PTPRD: variants seen among roughly 807,000 people sequenced by gnomAD.
The protein encoded by PTPRD is receptor-type tyrosine-protein phosphatase delta.
PTPRD carries 34 observed loss-of-function variants against 214.5 expected under a neutral mutation model. That is an observed-to-expected ratio of 0.16 (90% CI 0.12 to 0.21). PTPRD has a LOEUF of 0.21. Among genes scored for constraint, PTPRD ranks in the 10% least tolerant of loss-of-function variants. The pLI, the probability that PTPRD is intolerant of heterozygous loss-of-function variation, is 1.00. For synonymous variants in PTPRD, 1,128 were observed against 845.7 expected, an observed-to-expected ratio of 1.33 and a Z score of -5.79; for missense variants, 2,545 against 2,398.7, an observed-to-expected ratio of 1.06 and a Z score of -1.27.
At chr9:9,752,002 T>A (rs1176063281) in intron 6 of PTPRD, among the ~76,000 whole-genome samples, 1 of 152,144 alleles carries the variant, frequency 6.6e-6, no homozygotes, top group East Asian at 1.9e-4. Flanking sequence ...ACAACTATAT[T>A]CGATTTATTC....
At chr9:8,546,722 A>C (rs1021494392) in intron 14 of PTPRD, among the ~76,000 whole-genome samples, 5 of 150,592 alleles carry the variant, frequency 3.3e-5, no homozygotes, top group Admixed American at 6.6e-5. Context: ...CTGGTCTTGA[A>C]CTCCTGACCT....
chr9:9,854,269 T>G (rs149696830), intron 5 of PTPRD, among the ~76,000 whole-genome samples: 1 of 152,200 alleles, frequency 6.6e-6, no homozygotes. Context: ...TGGCACAAGT[T>G]AAGCAACCCA....
intron 3 of PTPRD, among the ~76,000 whole-genome samples, chr9:10,155,861 G>T (rs1225953294): frequency 6.6e-6 from 1 of 152,004 alleles, no homozygotes; most frequent in Non-Finnish European, 1.5e-5. Context: ...ATATCCTTGA[G>T]GATTTTTGTA....
At chr9:10,440,231 G>C (rs2098749916) in intron 2 of PTPRD, among the ~76,000 whole-genome samples, 1 of 151,526 alleles carries the variant, frequency 6.6e-6, no homozygotes, top group African/African-American at 2.4e-5. Flanking sequence ...TGAAGCATCA[G>C]GTATTCCTTT....
intron 31 of PTPRD, among the ~76,000 whole-genome samples, chr9:8,470,366 C>T (rs958171956): frequency 3.9e-5 from 6 of 152,060 alleles, no homozygotes; most frequent in African/African-American, 1.2e-4. Context: ...TTATAATGCA[C>T]CTGCTGTTGC....
chr9:9,608,016 T>C (rs187324251), intron 7 of PTPRD, among the ~76,000 whole-genome samples: 4 of 152,286 alleles, frequency 2.6e-5, no homozygotes, highest in African/African-American at 9.6e-5. Context: ...CTGATTAGAA[T>C]CAGACTCCAC....
intron 23 of PTPRD, 97 bp downstream of exon 23, chr9:8,504,164 A>C: frequency 8.2e-7 from 1 of 1,213,838 alleles, no homozygotes; most frequent in Non-Finnish European, 1.2e-6. Context: ...CTAACTATTA[A>C]GCATATTAGC....
chr9:9,508,427 G>C (rs1412401), intron 8 of PTPRD, among the ~76,000 whole-genome samples: 17 of 151,344 alleles, frequency 1.1e-4, no homozygotes, highest in Non-Finnish European at 1.9e-4. Context: ...TGAAAGTAAA[G>C]ACAATTAGAT....
intron 14 of PTPRD, among the ~76,000 whole-genome samples, chr9:8,598,572 T>A (rs2094604260): frequency 6.6e-6 from 1 of 152,174 alleles, no homozygotes; most frequent in South Asian, 2.1e-4. Context: ...AGCATAATAT[T>A]TTTGACCCTT....
intron 8 of PTPRD, among the ~76,000 whole-genome samples, chr9:9,515,442 C>T (rs1355113615): frequency 1.3e-5 from 2 of 152,060 alleles, no homozygotes; most frequent in Non-Finnish European, 2.9e-5. Flanking sequence ...AGATTCATTT[C>T]TATCCATCAA....
intron 44 of PTPRD, among the ~76,000 whole-genome samples, chr9:8,323,677 C>G (rs141788509): frequency 6.6e-6 from 1 of 152,124 alleles, no homozygotes; most frequent in Non-Finnish European, 1.5e-5. Context: ...CATGATAAAA[C>G]CTGAATACAT....
At chr9:10,387,176 A>G (rs2154488025) in intron 2 of PTPRD, among the ~76,000 whole-genome samples, 1 of 152,014 alleles carries the variant, frequency 6.6e-6, no homozygotes, top group African/African-American at 2.4e-5. Context: ...ATGTAAGGTA[A>G]TAAATTTGTG....
At chr9:8,866,217 G>C (rs189318762) in intron 11 of PTPRD, among the ~76,000 whole-genome samples, 1 of 152,094 alleles carries the variant, frequency 6.6e-6, no homozygotes, top group African/African-American at 2.4e-5. Context: ...TTTCCCAACT[G>C]TGTGATTACT....
chr9:8,779,770 C>G (rs1340493202), intron 11 of PTPRD, among the ~76,000 whole-genome samples: 1 of 151,540 alleles, frequency 6.6e-6, no homozygotes, highest in African/African-American at 2.4e-5. Flanking sequence ...TCAGCAGGGC[C>G]CAAGAAGGCA....
At chr9:8,370,409 T>C (rs2081194629) in intron 39 of PTPRD, among the ~76,000 whole-genome samples, 1 of 152,092 alleles carries the variant, frequency 6.6e-6, no homozygotes, top group Non-Finnish European at 1.5e-5. Context: ...ATGAAATGTA[T>C]ATGCTGTATG....
At chr9:9,360,953 C>G (rs879451592) in intron 9 of PTPRD, among the ~76,000 whole-genome samples, 1 of 150,946 alleles carries the variant, frequency 6.6e-6, no homozygotes, top group African/African-American at 2.4e-5. Flanking sequence ...TCTACTAAAA[C>G]GATGTAAAAA....
Position 8,651,514 on chromosome 9 carries a change from T to C in PTPRD, c.65-14670A>G, listed in dbSNP as rs575754127. Among the ~76,000 whole-genome samples the C allele has an allele frequency of 2.2e-4, 34 of 152,298 alleles. No individual in the cohort carries two copies. In the South Asian group the frequency reaches 6.4e-3, roughly 29 times the overall value. ...AAACCCATGAAGAACTTTAATAAAATGAGTTCTAGATGGAACACAGTGTAA... is the reference window on the plus strand; with the variant it reads ...AAACCCATGAAGAACTTTAATAAAACGAGTTCTAGATGGAACACAGTGTAA... On this transcript the variant is annotated intron_variant, in intron 12 of 45. Coordinates refer to ENST00000381196, the MANE Select transcript of PTPRD (RefSeq NM_002839.4).
At position 9,631,346 on chromosome 9, in the gene PTPRD, C is replaced by T. The variant is rs116243040; in HGVS notation, c.-286-56565G>A. 2.4e-3 allele frequency among the ~76,000 whole-genome samples: 370 copies of T among 151,844 alleles called. 1 individual carries two copies. Among genetic ancestry groups the T allele is most frequent in the African/African-American group, 8.3e-3 (344 of 41,442 alleles). ...ATGCAGCAAGATACAGCTGAAGGAACGATTACATCATAGTCCTTATAATCT... is the reference window on the plus strand; with the variant it reads ...ATGCAGCAAGATACAGCTGAAGGAATGATTACATCATAGTCCTTATAATCT... On this transcript the variant is annotated intron_variant, in intron 7 of 45. Transcript: ENST00000381196.
intron 10 of PTPRD, among the ~76,000 whole-genome samples, chr9:9,054,771 G>C (rs980158825): frequency 2.6e-5 from 4 of 152,166 alleles, no homozygotes; most frequent in African/African-American, 9.7e-5. Flanking sequence ...AACAAGAATA[G>C]ATATCAACCC....
Sources: allele counts gnomAD v4.1 joint callset (sites outside exome capture counted in the v4.1 genomes callset), GRCh38; gene constraint gnomAD v4.1.1; transcripts MANE v1.5; gene names NCBI Gene and HGNC (gene_info 2026-07-23, HGNC 2026-07-21).